Variants in MATR3 observed in about 807,000 individuals in gnomAD.
MATR3 encodes matrin-3.
MATR3 carries 4 observed loss-of-function variants against 85.5 expected under a neutral mutation model. That is an observed-to-expected ratio of 0.05 (90% CI 0.02 to 0.11). The LOEUF (loss-of-function observed/expected upper bound fraction) is 0.11, where lower values mean the gene tolerates loss of function less well. Ranked by LOEUF, MATR3 falls within the 10% of genes least tolerant of loss-of-function variation. The pLI is 1.00. For missense variants in MATR3, 685 were observed against 1,016.1 expected (o/e 0.67, Z 4.43); for synonymous variants, 336 against 343.1 (o/e 0.98, Z 0.23).
chr5:139,279,936 A>C (rs1337915543), intron 3 of MATR3: 2 of 152,216 alleles, frequency 1.3e-5, no homozygotes, highest in Non-Finnish European at 2.9e-5. Context: ...TAATCTCAGA[A>C]TCTGGCTGCT....
chr5:139,287,764 T>A (rs995780819), intron 3 of MATR3, among the ~76,000 whole-genome samples: 1 of 152,174 alleles, frequency 6.6e-6, no homozygotes, highest in African/African-American at 2.4e-5. Context: ...TGAATACAGC[T>A]TTTTACCCAT....
At chr5:139,302,969 T>C (rs1458042385) in intron 1 of MATR3, among the ~76,000 whole-genome samples, 1 of 152,178 alleles carries the variant, frequency 6.6e-6, no homozygotes, top group Non-Finnish European at 1.5e-5. Flanking sequence ...GGTATTTTTT[T>C]CCCTGAGTAT....
intron 14 of MATR3, 152 bp from the exon 15 acceptor site, chr5:139,329,193 G>A (rs1756006086): frequency 1.6e-6 from 1 of 625,898 alleles, no homozygotes; most frequent in Non-Finnish European, 2.9e-6. Context: ...AAGTTTTTGT[G>A]TGCTAATGAG....
At chr5:139,301,513 G>A (rs936303022) in intron 1 of MATR3, among the ~76,000 whole-genome samples, 2 of 152,110 alleles carry the variant, frequency 1.3e-5, no homozygotes, top group African/African-American at 4.8e-5. Context: ...TAGAGATGGG[G>A]TTTCAGCGTA....
upstream of MATR3, among the ~76,000 whole-genome samples, chr5:139,292,474 G>A (rs1753909574): frequency 6.6e-6 from 1 of 152,172 alleles, no homozygotes; most frequent in South Asian, 2.1e-4. Flanking sequence ...GAGAGTTGCA[G>A]CCAGATTAGG....
rs576239636 is a variant in MATR3 at position 139,301,386 on chromosome 5, C to T, written c.-177-5853C>T. Among the ~76,000 whole-genome samples, 47 of 151,912 alleles carry T rather than the reference C, an allele frequency of 3.1e-4. No homozygotes were observed. In the South Asian group the frequency reaches 9.6e-3, roughly 31 times the overall value. On this transcript the variant is annotated intron_variant, in intron 1 of 14. Transcript: ENST00000394805. Reference sequence around the variant, plus strand: ...CCAGGCTGGAGTACAGTGGCACAATCTTGGCTCACTGCAGCCTCCACCTCC... The same window carrying T: ...CCAGGCTGGAGTACAGTGGCACAATTTTGGCTCACTGCAGCCTCCACCTCC...
chr5:139,298,627 A>G (rs1417532527), intron 1 of MATR3, among the ~76,000 whole-genome samples: 2 of 152,192 alleles, frequency 1.3e-5, no homozygotes, highest in South Asian at 2.1e-4. Flanking sequence ...GAAAAATCTA[A>G]TGGATAATTA....
Position 139,316,058 on chromosome 5 carries a change from A to C in MATR3, c.1017-18A>C. The stretch of plus-strand genomic sequence containing the variant: ...ACCTCTTTATTATGATTTATATTTT[A>C]TGTCTTCACTTTACTAGGGGTGATC... On this transcript the variant is annotated intron_variant, in intron 4 of 14. Transcript: ENST00000394805. 6.6e-7 allele frequency: 1 copy of C among 1,517,822 alleles called. No individual in the cohort carries two copies. Among genetic ancestry groups the C allele is most frequent in the Middle Eastern group, 2.1e-4 (1 of 4,824 alleles). The allele number at this position is 1,517,822 out of a possible 1,614,324, so 94.0% of individuals were successfully genotyped here. A position where few individuals can be genotyped will look rare whatever the true frequency, so the allele number is the denominator to read the frequency against.
At chr5:139,279,183 G>T in intron 3 of MATR3, 1 of 453,162 alleles carries the variant, frequency 2.2e-6, no homozygotes, top group Non-Finnish European at 4.4e-6. Flanking sequence ...AGCTCAGATG[G>T]GGGTAGGGGA....
At position 139,322,860 on chromosome 5, in the gene MATR3, C is replaced by G. The variant is rs1755647939; in HGVS notation, c.2041C>G (p.Leu681Val). The G allele has an allele frequency of 5.6e-6, 9 of 1,614,022 alleles. No homozygotes were observed. The South Asian group carries it at 6.6e-5, about 12-fold the overall frequency. The part of the protein sequence containing the change: ...SGSSVGDETD[L>V]ANLGDVASDG... ...CAGTTCAGTGGGAGACGAGACCGAT[C>G]TTGCTAATTTAGGTGATGTGGCTTC... Residue 681 changes from leucine (L) to valine (V), a missense_variant, in exon 12 of 15, where the codon CTT (leucine) becomes GTT (valine). Transcript: ENST00000394805.
chr5:139,307,273 T>G lies in MATR3; in HGVS notation c.-143T>G. 3 of 1,399,446 alleles carry G rather than the reference T, an allele frequency of 2.1e-6. No homozygotes were observed. Among genetic ancestry groups the G allele is most frequent in the Non-Finnish European group, 2.8e-6 (3 of 1,085,000 alleles). 86.7% of individuals were successfully genotyped at this position (1,399,446 alleles called of 1,614,324 possible). ...CTGGTTCTCAGCTTGAAGAAGATTC[T>G]GCAGTCCTTATTGATCCTTTTTCTT... On this transcript the variant is annotated 5_prime_UTR_variant, in exon 2 of 15. Transcript: ENST00000394805. The surrounding 1 kb of genome is among the most constrained non-coding windows in gnomAD (Gnocchi z 4.4).
chr5:139,285,044 TCA>T (rs760946296), intron 3 of MATR3, among the ~76,000 whole-genome samples: 4 of 152,188 alleles, frequency 2.6e-5, no homozygotes, highest in Admixed American at 6.5e-5. Flanking sequence ...TTGCCCAAAG[TCA>T]CAGTCACACG....
At chr5:139,317,574 G>A (rs377664550) in intron 6 of MATR3, 22 bp from the exon 7 acceptor site, 83 of 1,603,712 alleles carry the variant, frequency 5.2e-5, no homozygotes, top group Non-Finnish European at 6.7e-5. Flanking sequence ...TAATTGCTTG[G>A]TTTTTTTCCC....
At chr5:139,323,893 A>G (rs1049668346) in intron 12 of MATR3, among the ~76,000 whole-genome samples, 1 of 146,944 alleles carries the variant, frequency 6.8e-6, no homozygotes, top group Non-Finnish European at 1.5e-5. Context: ...CTGTCTCAAG[A>G]AAAAAAAAAA....
intron 14 of MATR3, among the ~76,000 whole-genome samples, chr5:139,328,192 A>T (rs1402076833): frequency 6.6e-6 from 1 of 152,100 alleles, no homozygotes; most frequent in East Asian, 1.9e-4. Context: ...AAAAAAAAAA[A>T]AACTTTGTCA....
At chr5:139,288,222 A>C (rs1280750810) in intron 3 of MATR3, among the ~76,000 whole-genome samples, 1 of 151,030 alleles carries the variant, frequency 6.6e-6, no homozygotes, top group African/African-American at 2.5e-5. Context: ...AAAAACAAAC[A>C]AACCAACAAA....
Position 139,293,755 on chromosome 5 carries a change from C to T in MATR3, c.-228C>T, listed in dbSNP as rs926745055. 2 of 382,622 alleles carry T rather than the reference C, an allele frequency of 5.2e-6. No individual in the cohort carries two copies. The highest frequency in any genetic ancestry group is 9.2e-6 in the Non-Finnish European group (2 of 216,416). 23.7% of individuals were successfully genotyped at this position (382,622 alleles called of 1,614,324 possible). ...GGGGGATTGTGGGAGTCTCCGCGTC[C>T]CGCTCGCTGGGAGAGAGGTACCTCT... On this transcript the variant is annotated 5_prime_UTR_variant, in exon 1 of 15. Transcript: ENST00000394805.
At position 139,322,586 on chromosome 5, in the gene MATR3, T is replaced by G. The variant is rs1422930604; in HGVS notation, c.1779-12T>G. ...ACAACAAATTAATTGTGGTGTGTCCTTTTGATTTCAGAAAAAGATCTTACT... is the reference window on the plus strand; with the variant it reads ...ACAACAAATTAATTGTGGTGTGTCCGTTTGATTTCAGAAAAAGATCTTACT... On this transcript the variant is annotated splice_polypyrimidine_tract_variant and intron_variant, in intron 11 of 14. Transcript: ENST00000394805. 3 of 1,551,152 alleles carry G rather than the reference T, an allele frequency of 1.9e-6. No homozygotes were observed. Among genetic ancestry groups the G allele is most frequent in the South Asian group, 2.3e-5 (2 of 86,470 alleles).
upstream of MATR3, among the ~76,000 whole-genome samples, chr5:139,288,863 C>G (rs563102781): frequency 6.6e-6 from 1 of 152,032 alleles, no homozygotes; most frequent in Non-Finnish European, 1.5e-5. Flanking sequence ...AGGATGGTCT[C>G]GATCTGACCT....
Sources: gnomAD v4.1 joint callset for allele counts (sites outside exome capture counted in the v4.1 genomes callset) on GRCh38, gnomAD v4.1.1 for gene constraint, Gnocchi (gnomAD v3.1) non-coding constraint, MANE v1.5 for transcripts, NCBI Gene and HGNC (gene_info 2026-07-23, HGNC 2026-07-21) for gene names.